MPDU1: variants seen among roughly 807,000 people sequenced by gnomAD.
The protein encoded by MPDU1 is mannose-P-dolichol utilization defect 1.
MPDU1 carries 18 observed loss-of-function variants against 27.6 expected under a neutral mutation model. The observed-to-expected ratio is 0.65, with a 90% CI of 0.45 to 0.97. The LOEUF is 0.97. Among genes scored for constraint, MPDU1 ranks in the 50% least tolerant of loss-of-function variants. The probability of loss-of-function intolerance (pLI) is 0.00; values close to 1 mark genes in which losing one functional copy is unlikely to be tolerated. For synonymous variants in MPDU1, 142 were observed against 131.1 expected (o/e 1.08, Z -0.57); for missense variants, 279 against 297.4 (o/e 0.94, Z 0.46).
intron 3 of MPDU1, 177 bp downstream of exon 3, chr17:7,586,255 C>T: frequency 1.4e-6 from 1 of 711,918 alleles, no homozygotes; most frequent in Non-Finnish European, 2.4e-6. Flanking sequence ...AACTGGCCAA[C>T]ATGGTGAAAC....
Position 7,587,231 on chromosome 17 carries a change from T to C in MPDU1, c.578T>C (p.Leu193Pro). 6.2e-7 allele frequency: 1 copy of C among 1,614,088 alleles called. No homozygotes were observed. The highest frequency in any genetic ancestry group is 8.5e-7 in the Non-Finnish European group (1 of 1,180,018). The change falls in exon 6 of 7, where the codon CTG (leucine) becomes CCG (proline). Residue 193 changes from leucine (L) to proline (P), a missense_variant. Physicochemically the swap from Leu to Pro is moderately conservative, Grantham distance 98. Transcript: ENST00000250124. ...CTCTCAGCCATCACAGTCTTCCTGC[T>C]GTTTGGGGGCTCCCTGGCCCGAATC... is the stretch of plus-strand genomic sequence containing the variant. ...GQLSAITVFL[L>P]FGGSLARIFT...
chr17:7,586,297 G>A lies in MPDU1; in HGVS notation c.302+219G>A, dbSNP rs2071581538. On this transcript the variant is annotated intron_variant, in intron 3 of 6. Transcript: ENST00000250124. ...TCTACTAAAAATACAAAATTAGCTG[G>A]GTGTGGTGATGGGCACCTGTAATCC... is the stretch of plus-strand genomic sequence containing the variant. 13 of 576,986 alleles carry A rather than the reference G, an allele frequency of 2.3e-5. 1 individual carries two copies. In the South Asian group the frequency reaches 2.4e-4, roughly 11 times the overall value. 35.7% of individuals were successfully genotyped at this position (576,986 alleles called of 1,614,324 possible).
intron 1 of MPDU1, among the ~76,000 whole-genome samples, chr17:7,584,681 AGTC>A (rs2071550987): frequency 6.6e-6 from 1 of 152,196 alleles, no homozygotes; most frequent in Admixed American, 6.5e-5. Context: ...GGCCAGGGAC[AGTC>A]AGAGTGTTCA....
At position 7,587,411 on chromosome 17, in the gene MPDU1, G is replaced by A. The variant is rs577907055; in HGVS notation, c.619-15G>A. The A allele has an allele frequency of 4.3e-6, 7 of 1,613,992 alleles. No homozygotes were observed. The African/African-American group carries it at 8.0e-5, about 18-fold the overall frequency. ...TATGCTGAAGGGTAACCCTGGCTCT[G>A]TCTCTTGCAACCAGGAAACCGGAGA... On this transcript the variant is annotated splice_polypyrimidine_tract_variant and intron_variant, in intron 6 of 6. Coordinates refer to ENST00000250124, the MANE Select transcript of MPDU1 (RefSeq NM_004870.4).
chr17:7,587,040 A>T, intron 5 of MPDU1, 23 bp downstream of exon 5: 1 of 1,229,342 alleles, frequency 8.1e-7, no homozygotes, highest in Non-Finnish European at 1.1e-6. Flanking sequence ...AGCAAGGGAC[A>T]AGATGTTGTG....
In MPDU1 at chr17:7,584,850, G is replaced by A. The variant is rs553933144; in HGVS notation, c.104-882G>A. ...CTACTAAAAATACAAAAAATTAGCC[G>A]GGCGTTGTGGCAGGCGCCTGTAATC... On this transcript the variant is annotated intron_variant, in intron 1 of 6. Coordinates refer to ENST00000250124, the MANE Select transcript of MPDU1 (RefSeq NM_004870.4). Among the ~76,000 whole-genome samples, 9 of 152,234 alleles carry A rather than the reference G, an allele frequency of 5.9e-5. 1 individual carries two copies. The highest frequency in any genetic ancestry group is 5.9e-4 in the Admixed American group (9 of 15,292).
rs1333371061 is a variant in MPDU1 at position 7,588,158 on chromosome 17, A to C, written c.*607A>C. ...CTGCAGTGAGGGGAACAGATGGGAC[A>C]ATAAAGACTGGAGACTCAGTTGAAT... On this transcript the variant is annotated 3_prime_UTR_variant, in exon 7 of 7. Transcript: ENST00000250124. 1.5e-6 allele frequency: 1 copy of C among 684,226 alleles called. No homozygotes were observed. The highest frequency in any genetic ancestry group is 2.7e-6 in the Non-Finnish European group (1 of 373,320). The allele number at this position is 684,226 out of a possible 1,614,324, so 42.4% of individuals were successfully genotyped here. A position where few individuals can be genotyped will look rare whatever the true frequency, so the allele number is the denominator to read the frequency against.
chr17:7,587,118 A>G (rs760975406), intron 5 of MPDU1, 43 bp from the exon 6 acceptor site: 1 of 1,596,284 alleles, frequency 6.3e-7, no homozygotes, highest in Non-Finnish European at 8.6e-7. Context: ...GAGCATGGGA[A>G]GAGCTCAGGT....
chr17:7,586,342 G>A (rs2071582143), intron 3 of MPDU1: 1 of 519,954 alleles, frequency 1.9e-6, no homozygotes, highest in African/African-American at 1.9e-5. Flanking sequence ...GGGAGGCTGA[G>A]GCAGGAGAAT....
At chr17:7,585,833 G>A in intron 2 of MPDU1, 36 bp downstream of exon 2, 1 of 1,613,242 alleles carries the variant, frequency 6.2e-7, no homozygotes, top group East Asian at 2.2e-5. Flanking sequence ...CTGTTGGGTT[G>A]GGGTGGAGGT....
At chr17:7,586,107 G>A in intron 3 of MPDU1, 29 bp downstream of exon 3, 1 of 1,612,178 alleles carries the variant, frequency 6.2e-7, no homozygotes, top group Non-Finnish European at 8.5e-7. Context: ...CACCCCAAGG[G>A]TAATACCCAC....
intron 2 of MPDU1, 56 bp downstream of exon 2, chr17:7,585,853 C>T: frequency 6.2e-7 from 1 of 1,610,830 alleles, no homozygotes; most frequent in Non-Finnish European, 8.5e-7. Context: ...TGCTGAGAGG[C>T]CATCAACTGT....
At position 7,586,002 on chromosome 17, in the gene MPDU1, C is replaced by T; in HGVS notation, c.226C>T (p.Leu76Phe). The T allele has an allele frequency of 6.2e-7, 1 of 1,614,184 alleles. No homozygotes were observed. ...LGAKSAEGLS[L>F]QSVMLELVAL... ...AGCCAAGAGTGCTGAAGGGTTGAGTCTCCAGTCTGTAATGCTGGAGCTAGT... is the reference window on the plus strand; with the variant it reads ...AGCCAAGAGTGCTGAAGGGTTGAGTTTCCAGTCTGTAATGCTGGAGCTAGT... The change falls in exon 3 of 7, where the codon CTC becomes TTC. Residue 76 changes from leucine to phenylalanine, a missense_variant. Physicochemically the swap from Leu to Phe is conservative, Grantham distance 22 (BLOSUM62 0). Coordinates refer to ENST00000250124, the MANE Select transcript of MPDU1 (RefSeq NM_004870.4).
chr17:7,583,825 G>A (rs766795099), upstream of MPDU1: 10 of 1,604,296 alleles, frequency 6.2e-6, no homozygotes, highest in South Asian at 8.8e-5. Flanking sequence ...GAAAGTCAAT[G>A]GCGGTCTGGA....
chr17:7,585,571 G>A (rs1597863102), intron 1 of MPDU1, 161 bp from the exon 2 acceptor site: 1 of 658,170 alleles, frequency 1.5e-6, no homozygotes, highest in Non-Finnish European at 2.7e-6. Flanking sequence ...TTTGGAGCAG[G>A]AAGGACCAGG....
In MPDU1 at chr17:7,584,036, G is replaced by T. The variant is rs185192207; in HGVS notation, c.103+71G>T. 17 of 1,458,626 alleles carry T rather than the reference G, an allele frequency of 1.2e-5. No homozygotes were observed. In the East Asian group the frequency reaches 3.2e-4, roughly 27 times the overall value. The allele number at this position is 1,458,626 out of a possible 1,614,324, so 90.4% of individuals were successfully genotyped here. ...TGGGCCCTTAGTCCAAGCCTTGATCGGCGACTAAGTGACGGCAGTGACTGC... is the reference window on the plus strand; with the variant it reads ...TGGGCCCTTAGTCCAAGCCTTGATCTGCGACTAAGTGACGGCAGTGACTGC... On this transcript the variant is annotated intron_variant, in intron 1 of 6. Transcript: ENST00000250124.
Position 7,587,621 on chromosome 17 carries a change from C to G in MPDU1, c.*70C>G, listed in dbSNP as rs1567744174. On this transcript the variant is annotated 3_prime_UTR_variant, in exon 7 of 7. Transcript: ENST00000250124. ...TCAGGGTTCTCCCCATCTGAGCCAGCCTGCTGGTGTGACTTACTCATCCTC... is the reference window on the plus strand; with the variant it reads ...TCAGGGTTCTCCCCATCTGAGCCAGGCTGCTGGTGTGACTTACTCATCCTC... 1 of 1,603,846 alleles carries G rather than the reference C, an allele frequency of 6.2e-7. No homozygotes were observed. Among genetic ancestry groups the G allele is most frequent in the Non-Finnish European group, 8.5e-7 (1 of 1,172,090 alleles).
rs1005325989 is a variant in MPDU1 at position 7,587,162 on chromosome 17, T to C, written c.509T>C (p.Leu170Pro). ...CAAAGGTCTCAACTCCTCCCCTAGC[T>C]TCTCCAGGCAGCCACCAACTACCAC... ...SNVPAVVVGR[L>P]LQAATNYHNG... Residue 170 changes from leucine to proline, a missense_variant and splice_region_variant, in exon 6 of 7, where the codon CTT becomes CCT. Physicochemically the swap from Leu to Pro is moderately conservative, Grantham distance 98. Coordinates refer to ENST00000250124, the MANE Select transcript of MPDU1 (RefSeq NM_004870.4). The C allele has an allele frequency of 1.2e-6, 2 of 1,614,032 alleles. No individual in the cohort carries two copies. The highest frequency in any genetic ancestry group is 3.3e-5 in the Admixed American group (2 of 60,014).
At position 7,587,421 on chromosome 17, in the gene MPDU1, A is replaced by G. The variant is rs2150936412; in HGVS notation, c.619-5A>G. 6.2e-7 allele frequency: 1 copy of G among 1,614,006 alleles called. No individual in the cohort carries two copies. The highest frequency in any genetic ancestry group is 1.1e-5 in the South Asian group (1 of 91,080). ...GGTAACCCTGGCTCTGTCTCTTGCA[A>G]CCAGGAAACCGGAGATCCCCTGATG... On this transcript the variant is annotated splice_polypyrimidine_tract_variant and splice_region_variant and intron_variant, in intron 6 of 6. Transcript: ENST00000250124.
Sources: allele counts gnomAD v4.1 joint callset (sites outside exome capture counted in the v4.1 genomes callset), GRCh38; gene constraint gnomAD v4.1.1; transcripts MANE v1.5; gene names NCBI Gene and HGNC (gene_info 2026-07-23, HGNC 2026-07-21).